The following ANK1 variants were observed in gnomAD, a reference collection of about 807,000 sequenced individuals.
The protein encoded by ANK1 is ankyrin 1.
ANK1 carries 51 observed loss-of-function variants against 210.4 expected under a neutral mutation model. The ratio of observed to expected loss-of-function variants is 0.24; its 90% CI spans 0.19 to 0.31. ANK1 has a LOEUF of 0.31. ANK1 is among the 10% of genes least tolerant of loss of function. The pLI, the probability that ANK1 is intolerant of heterozygous loss-of-function variation, is 1.00. For synonymous variants in ANK1, 967 were observed against 1,025.9 expected (o/e 0.94, Z 1.10); for missense variants, 2,051 against 2,504.4 (o/e 0.82, Z 3.86).
At position 41,808,760 on chromosome 8, in the gene ANK1, A is replaced by T. The variant is rs183578201; in HGVS notation, c.127-50623T>A. On this transcript the variant is annotated intron_variant, in intron 1 of 42. Coordinates refer to the ANK1 transcript ENST00000265709. ...ACTGCTGCACACAGATGCTTCCTAA[A>T]TTTTTTTTGCTAATTTAAACGTTAC... is the stretch of plus-strand genomic sequence containing the variant. Among the ~76,000 whole-genome samples, 294 of 152,082 alleles carry T rather than the reference A, an allele frequency of 1.9e-3. 2 individuals carry two copies. Among genetic ancestry groups the T allele is most frequent in the Middle Eastern group, 6.8e-3 (2 of 292 alleles).
Position 41,661,899 on chromosome 8 carries a change from C to T in ANK1, c.5521G>A (p.Asp1841Asn), listed in dbSNP as rs143987736. ...ACCTCCTCGTGCTCCTGGGCGGCAT[C>T]GGCGCTGGACAAGTCTATCTGTCGA... ...VVRQIDLSSA[D>N]AAQEHEEVEL... is the part of the protein sequence containing the mutation. The change falls in exon 41 of 43, where the codon GAT (aspartate) becomes AAT (asparagine). Residue 1841 changes from aspartate to asparagine, a missense_variant. Asp to Asn is a conservative substitution (Grantham distance 23). Coordinates refer to ENST00000289734, the MANE Select transcript of ANK1 (RefSeq NM_000037.4). 2.4e-5 allele frequency: 38 copies of T among 1,613,952 alleles called. No homozygotes were observed. Among genetic ancestry groups the T allele is most frequent in the Non-Finnish European group, 2.7e-5 (32 of 1,180,016 alleles).
At chr8:41,734,126 G>A (rs1016474973) in intron 2 of ANK1, 57 bp from the exon 3 acceptor site, 57 of 1,431,816 alleles carry the variant, frequency 4.0e-5, no homozygotes, top group African/African-American at 8.4e-5. Context: ...CTTTCTGCAC[G>A]TCCCAGTGGG....
At chr8:41,767,310 G>C (rs1415537552) in intron 1 of ANK1, among the ~76,000 whole-genome samples, 25 of 147,740 alleles carry the variant, frequency 1.7e-4, no homozygotes, top group African/African-American at 5.8e-4. Flanking sequence ...CCCCGGCCCC[G>C]GCCGGGCAAC....
At chr8:41,876,581 G>T (rs1000876926) in intron 1 of ANK1, among the ~76,000 whole-genome samples, 1 of 152,236 alleles carries the variant, frequency 6.6e-6, no homozygotes, top group Non-Finnish European at 1.5e-5. Flanking sequence ...ACCCCAGCCA[G>T]GCTTGTCCAA....
intron 1 of ANK1, among the ~76,000 whole-genome samples, chr8:41,771,343 A>G (rs1266017768): frequency 6.6e-6 from 1 of 152,144 alleles, no homozygotes; most frequent in Non-Finnish European, 1.5e-5. Flanking sequence ...CTAGGGATTC[A>G]GAAAGCTAAA....
intron 1 of ANK1, among the ~76,000 whole-genome samples, chr8:41,866,186 T>G (rs1587508549): frequency 1.3e-5 from 2 of 152,000 alleles, no homozygotes; most frequent in East Asian, 3.9e-4. Context: ...TCTTTCTTTT[T>G]TTGGAGTGGG....
chr8:41,767,389 G>A (rs1196528615), intron 1 of ANK1, among the ~76,000 whole-genome samples: 2 of 151,462 alleles, frequency 1.3e-5, no homozygotes, highest in Admixed American at 1.3e-4. Context: ...ATCGTCCGGC[G>A]CCCGCGCTGA....
intron 1 of ANK1, among the ~76,000 whole-genome samples, chr8:41,791,317 G>T (rs959315475): frequency 1.4e-5 from 2 of 144,420 alleles, no homozygotes; most frequent in African/African-American, 5.1e-5. Flanking sequence ...GATTACAGGC[G>T]CCTACCACCA....
intron 35 of ANK1, 138 bp from the exon 36 acceptor site, chr8:41,686,421 G>A (rs1194785588): frequency 2.8e-6 from 3 of 1,070,282 alleles, no homozygotes; most frequent in Non-Finnish European, 4.2e-6. Flanking sequence ...CAGCCTCCCT[G>A]TGGGTTTGGT....
intron 3 of ANK1, among the ~76,000 whole-genome samples, chr8:41,728,711 TTAAAAA>T (rs1422784918): frequency 6.6e-6 from 1 of 152,154 alleles, no homozygotes; most frequent in Non-Finnish European, 1.5e-5. Flanking sequence ...TCCATAATAA[TTAAAAA>T]TAAAAAATTT....
chr8:41,788,386 C>T (rs1317283231), intron 1 of ANK1, among the ~76,000 whole-genome samples: 2 of 152,162 alleles, frequency 1.3e-5, no homozygotes, highest in Non-Finnish European at 2.9e-5. Flanking sequence ...ACACCAGACA[C>T]CTGTGAGGTG....
At chr8:41,855,642 C>T (rs2150814593) in intron 1 of ANK1, among the ~76,000 whole-genome samples, 1 of 152,306 alleles carries the variant, frequency 6.6e-6, no homozygotes, top group South Asian at 2.1e-4. Context: ...CCCCAGATAG[C>T]CGGCTCTCTG....
intron 1 of ANK1, among the ~76,000 whole-genome samples, chr8:41,852,014 C>T (rs1170670734): frequency 1.3e-5 from 2 of 152,160 alleles, no homozygotes; most frequent in Non-Finnish European, 2.9e-5. Flanking sequence ...TCAGACATCA[C>T]CATGCCCATT....
chr8:41,717,632 C>A lies in ANK1; in HGVS notation c.1277G>T (p.Arg426Leu). ...HLPIVKNLLQ[R>L]GASPNVSNVK... ...GTTGGAGACGTTGGGCGACGCCCCCCGCTGCAGGAGGTTCTTCACGATGGG... is the reference window on the plus strand; with the variant it reads ...GTTGGAGACGTTGGGCGACGCCCCCAGCTGCAGGAGGTTCTTCACGATGGG... The change falls in exon 12 of 43, where the codon CGG becomes CTG. Residue 426 changes from arginine to leucine, a missense_variant. Physicochemically the swap from Arg to Leu is moderately radical, Grantham distance 102. Around this residue, in one of 6 missense-constraint regions of ANK1, gnomAD observed 1,413 missense variants for 1,707.4 expected, o/e 0.83. Transcript: ENST00000289734. 6.4e-7 allele frequency: 1 copy of A among 1,551,626 alleles called. No homozygotes were observed. The highest frequency in any genetic ancestry group is 8.7e-7 in the Non-Finnish European group (1 of 1,146,992).
intron 1 of ANK1, among the ~76,000 whole-genome samples, chr8:41,767,152 C>G (rs1255576556): frequency 6.6e-6 from 1 of 152,172 alleles, no homozygotes; most frequent in East Asian, 1.9e-4. Flanking sequence ...CCTCTGGATC[C>G]TGCTAGAAGC....
intron 1 of ANK1, among the ~76,000 whole-genome samples, chr8:41,781,306 C>T (rs1845265634): frequency 6.6e-6 from 1 of 152,210 alleles, no homozygotes; most frequent in Non-Finnish European, 1.5e-5. Context: ...CTCTGGACCA[C>T]ACACAAGCCC....
chr8:41,793,187 G>C (rs529598309), intron 1 of ANK1, among the ~76,000 whole-genome samples: 2 of 152,252 alleles, frequency 1.3e-5, no homozygotes, highest in South Asian at 4.1e-4. Flanking sequence ...GACTAGCCTG[G>C]GCAACATAGT....
In ANK1 at chr8:41,661,858, G is replaced by C; in HGVS notation, c.5544+18C>G. 1 of 1,614,108 alleles carries C rather than the reference G, an allele frequency of 6.2e-7. No individual in the cohort carries two copies. The highest frequency in any genetic ancestry group is 1.1e-5 in the South Asian group (1 of 91,086). The stretch of plus-strand genomic sequence containing the variant: ...CCTCCAGCTCACTGGGATCCTCCAG[G>C]GGCCCCTCTACAGTCACCTCCTCGT... On this transcript the variant is annotated intron_variant, in intron 41 of 42. Transcript: ENST00000289734.
At chr8:41,656,281 T>C (rs1452519132) in intron 42 of ANK1, among the ~76,000 whole-genome samples, 1 of 152,264 alleles carries the variant, frequency 6.6e-6, no homozygotes, top group African/African-American at 2.4e-5. Flanking sequence ...AACCCAGGGA[T>C]GGAGCGGATG....
Sources: allele counts gnomAD v4.1 joint callset (sites outside exome capture counted in the v4.1 genomes callset), GRCh38; gene constraint gnomAD v4.1.1; regional missense constraint gnomAD v4.1.1; transcripts MANE v1.5; gene names NCBI Gene and HGNC (gene_info 2026-07-23, HGNC 2026-07-21).